XYLT1: variants seen among roughly 807,000 people sequenced by gnomAD.
XYLT1 encodes beta-D-xylosyltransferase 1.
In XYLT1, 36 loss-of-function variants were observed where a neutral mutation model predicts 91.3. The observed-to-expected ratio is 0.39, with a 90% confidence interval of 0.30 to 0.52. The LOEUF is 0.52. XYLT1 is among the 20% of genes least tolerant of loss of function. XYLT1 has a pLI of 0.68. For synonymous variants in XYLT1, 588 were observed against 532.0 expected, an observed-to-expected ratio of 1.11 and a Z score of -1.45; for missense variants, 1,242 against 1,284.5, an observed-to-expected ratio of 0.97 and a Z score of 0.51.
chr16:17,239,441 A>G (rs2033306459), intron 3 of XYLT1, among the ~76,000 whole-genome samples: 1 of 143,112 alleles, frequency 7.0e-6, no homozygotes, highest in South Asian at 2.2e-4. Context: ...CCATCTACTC[A>G]TCCAGTCCAT....
chr16:17,354,379 C>T (rs2035264252), intron 2 of XYLT1, among the ~76,000 whole-genome samples: 1 of 152,202 alleles, frequency 6.6e-6, no homozygotes, highest in South Asian at 2.1e-4. Context: ...CCAATCAATC[C>T]ATCTCCCCCA....
At chr16:17,200,841 G>T (rs1319625117) in intron 3 of XYLT1, among the ~76,000 whole-genome samples, 187 bp from the exon 4 acceptor site, 1 of 152,196 alleles carries the variant, frequency 6.6e-6, no homozygotes, top group Non-Finnish European at 1.5e-5. Flanking sequence ...CACAAAAGGG[G>T]TTAGGGGACC....
intron 3 of XYLT1, among the ~76,000 whole-genome samples, chr16:17,237,327 A>C (rs544003419): frequency 6.6e-6 from 1 of 152,258 alleles, no homozygotes; most frequent in Non-Finnish European, 1.5e-5. Context: ...TAGAGAAACT[A>C]TTAATTTTTT....
intron 5 of XYLT1, among the ~76,000 whole-genome samples, chr16:17,166,543 G>A (rs1439694460): frequency 4.6e-5 from 7 of 150,846 alleles, no homozygotes; most frequent in East Asian, 3.9e-4. Context: ...GTAGAGTCTC[G>A]CTCTGTCACC....
chr16:17,206,870 C>T (rs780460169), intron 3 of XYLT1, among the ~76,000 whole-genome samples: 5 of 152,096 alleles, frequency 3.3e-5, no homozygotes, highest in Admixed American at 1.3e-4. Flanking sequence ...GAATGGAAAC[C>T]ACCACTTGGG....
At chr16:17,298,895 A>G (rs2034354510) in intron 2 of XYLT1, among the ~76,000 whole-genome samples, 1 of 152,024 alleles carries the variant, frequency 6.6e-6, no homozygotes, top group Admixed American at 6.6e-5. Context: ...GGCATTCCCC[A>G]TTCCTCTAAT....
At chr16:17,467,623 T>A (rs771617443) in intron 1 of XYLT1, among the ~76,000 whole-genome samples, 4 of 152,226 alleles carry the variant, frequency 2.6e-5, no homozygotes, top group Admixed American at 6.5e-5. Context: ...TGTTTCCTCT[T>A]GGCTTCTTAA....
chr16:17,338,963 T>C (rs1406067546), intron 2 of XYLT1, among the ~76,000 whole-genome samples: 1 of 152,174 alleles, frequency 6.6e-6, no homozygotes, highest in Non-Finnish European at 1.5e-5. Flanking sequence ...ACAGAACTGA[T>C]AACACTCCGC....
intron 3 of XYLT1, among the ~76,000 whole-genome samples, chr16:17,209,279 T>C (rs2032714801): frequency 6.6e-6 from 1 of 152,242 alleles, no homozygotes; most frequent in Admixed American, 6.5e-5. Flanking sequence ...GTCTGGATCC[T>C]TTCACTTGGC....
At chr16:17,144,219 A>T (rs2031071631) in intron 6 of XYLT1, among the ~76,000 whole-genome samples, 1 of 152,228 alleles carries the variant, frequency 6.6e-6, no homozygotes, top group Non-Finnish European at 1.5e-5. Context: ...GCACACAGTA[A>T]GTGCTTAGCG....
At chr16:17,317,570 C>T (rs958997436) in intron 2 of XYLT1, among the ~76,000 whole-genome samples, 1 of 121,662 alleles carries the variant, frequency 8.2e-6, no homozygotes, top group Non-Finnish European at 1.6e-5. Flanking sequence ...ATCGAGTTTG[C>T]GGTGAGCCAT....
intron 2 of XYLT1, among the ~76,000 whole-genome samples, chr16:17,300,805 C>T (rs1219323303): frequency 1.3e-5 from 2 of 151,940 alleles, no homozygotes; most frequent in East Asian, 3.9e-4. Flanking sequence ...ATATACTGAA[C>T]CAGAACAATC....
intron 1 of XYLT1, among the ~76,000 whole-genome samples, chr16:17,405,381 C>G (rs1008232377): frequency 6.6e-6 from 1 of 152,226 alleles, no homozygotes; most frequent in African/African-American, 2.4e-5. Flanking sequence ...TATAAAGCAT[C>G]CGTGCTCGCA....
intron 1 of XYLT1, among the ~76,000 whole-genome samples, chr16:17,427,856 C>G (rs1309217244): frequency 1.4e-4 from 21 of 151,594 alleles, no homozygotes. Flanking sequence ...GTTCACCTGT[C>G]TACCACCTCA....
chr16:17,469,779 G>A (rs990470656), intron 1 of XYLT1, among the ~76,000 whole-genome samples: 1 of 152,204 alleles, frequency 6.6e-6, no homozygotes, highest in African/African-American at 2.4e-5. Context: ...GAGATGGGGA[G>A]GAGATAAAGT....
At chr16:17,161,553 AC>A (rs1363612101) in intron 5 of XYLT1, among the ~76,000 whole-genome samples, 2 of 152,046 alleles carry the variant, frequency 1.3e-5, no homozygotes, top group Admixed American at 6.5e-5. Flanking sequence ...TTGGCTGAGG[AC>A]CAAATTCTCC....
chr16:17,294,322 T>C (rs1049414474), intron 2 of XYLT1, among the ~76,000 whole-genome samples: 5 of 152,206 alleles, frequency 3.3e-5, no homozygotes, highest in African/African-American at 1.2e-4. Context: ...GTTTCTAGGC[T>C]GCTCCACATG....
At chr16:17,464,648 T>G (rs1048862697) in intron 1 of XYLT1, among the ~76,000 whole-genome samples, 1 of 152,142 alleles carries the variant, frequency 6.6e-6, no homozygotes, top group Non-Finnish European at 1.5e-5. Flanking sequence ...CCCCAAAATA[T>G]GTCAAACTAT....
intron 5 of XYLT1, among the ~76,000 whole-genome samples, chr16:17,184,192 T>A (rs1403225061): frequency 6.7e-6 from 1 of 150,094 alleles, no homozygotes; most frequent in African/African-American, 2.5e-5. Flanking sequence ...CGGCTTTTTT[T>A]TTTTTTTTTT....
Sources: allele counts gnomAD v4.1 joint callset (sites outside exome capture counted in the v4.1 genomes callset), GRCh38; gene constraint gnomAD v4.1.1; transcripts MANE v1.5; gene names NCBI Gene and HGNC (gene_info 2026-07-23, HGNC 2026-07-21).